Variants in UBE3C observed in about 807,000 individuals in gnomAD.
UBE3C encodes the protein ubiquitin protein ligase E3C, also known as ubiquitin-protein ligase E3C.
UBE3C carries 42 observed loss-of-function variants against 129.4 expected under a neutral mutation model. The observed-to-expected ratio is 0.32, with a 90% CI of 0.25 to 0.42. The LOEUF (loss-of-function observed/expected upper bound fraction) is 0.42. Ranked by LOEUF, UBE3C falls within the 10% of genes least tolerant of loss-of-function variation. The probability of loss-of-function intolerance (pLI) is 1.00; values close to 1 mark genes in which losing one functional copy is unlikely to be tolerated. For synonymous variants in UBE3C, 510 were observed against 492.4 expected (o/e 1.04, Z -0.47); for missense variants, 1,049 against 1,319.1 (o/e 0.80, Z 3.17).
At chr7:157,244,076 CA>C (rs1209011861) in intron 18 of UBE3C, among the ~76,000 whole-genome samples, 4 of 152,082 alleles carry the variant, frequency 2.6e-5, no homozygotes, top group African/African-American at 9.7e-5. Flanking sequence ...ACTAAAAATA[CA>C]AAAATTTGCT....
At chr7:157,211,828 G>T (rs1014539589) in intron 13 of UBE3C, among the ~76,000 whole-genome samples, 3 of 152,174 alleles carry the variant, frequency 2.0e-5, no homozygotes, top group Non-Finnish European at 4.4e-5. Context: ...CAGGGTGCCT[G>T]TTCCTGCAGT....
chr7:157,159,596 G>A (rs537170204), intron 1 of UBE3C, among the ~76,000 whole-genome samples: 4 of 152,310 alleles, frequency 2.6e-5, no homozygotes, highest in East Asian at 3.9e-4. Context: ...AGCTGGGTGC[G>A]ATGGCTCATG....
intron 1 of UBE3C, among the ~76,000 whole-genome samples, chr7:157,152,800 TG>T (rs1807794107): frequency 6.6e-6 from 1 of 152,210 alleles, no homozygotes; most frequent in Non-Finnish European, 1.5e-5. Context: ...TTCCTGTAAC[TG>T]CTTGGGAAGT....
intron 19 of UBE3C, among the ~76,000 whole-genome samples, chr7:157,249,620 G>A (rs946308802): frequency 6.6e-6 from 1 of 152,178 alleles, no homozygotes; most frequent in South Asian, 2.1e-4. Context: ...GCACGACAGA[G>A]CCTTTTACGT....
intron 10 of UBE3C, chr7:157,197,798 C>G (rs1289166630): frequency 1.2e-6 from 2 of 1,613,012 alleles, no homozygotes; most frequent in Admixed American, 1.7e-5. Flanking sequence ...TCAAACGACT[C>G]CCATCTGCTA....
intron 15 of UBE3C, chr7:157,222,903 CG>C: frequency 4.4e-6 from 1 of 229,386 alleles, no homozygotes; most frequent in South Asian, 6.6e-5. Context: ...CGAAGGTGGT[CG>C]GGGGTGGCCA....
At chr7:157,257,702 A>G (rs563156774) in intron 22 of UBE3C, among the ~76,000 whole-genome samples, 13 of 136,982 alleles carry the variant, frequency 9.5e-5, no homozygotes, top group Non-Finnish European at 2.0e-4. Context: ...GCGCCACTGC[A>G]CTGCACTCCA....
chr7:157,182,773 A>C (rs1334619504), intron 8 of UBE3C, among the ~76,000 whole-genome samples: 1 of 151,998 alleles, frequency 6.6e-6, no homozygotes, highest in East Asian at 1.9e-4. Flanking sequence ...GGGGGTATAT[A>C]GAGTCTCGCT....
chr7:157,214,297 C>T (rs1350064852), intron 13 of UBE3C, among the ~76,000 whole-genome samples: 1 of 152,106 alleles, frequency 6.6e-6, no homozygotes, highest in Non-Finnish European at 1.5e-5. Context: ...ACTTAATTGT[C>T]TCATATAATT....
chr7:157,206,259 T>A (rs1419458637), intron 11 of UBE3C, among the ~76,000 whole-genome samples: 1 of 152,176 alleles, frequency 6.6e-6, no homozygotes, highest in Non-Finnish European at 1.5e-5. Flanking sequence ...CGTAGCTCTT[T>A]TTTATTTATT....
At position 157,178,686 on chromosome 7, in the gene UBE3C, A is replaced by G; in HGVS notation, c.459-4A>G. On this transcript the variant is annotated splice_region_variant and splice_polypyrimidine_tract_variant and intron_variant, in intron 5 of 22. Coordinates refer to ENST00000348165, the MANE Select transcript of UBE3C (RefSeq NM_014671.3). ...GTGTGTGAATACTTTTTTCATTTTT[A>G]CAGGTTGCTGCAAAACTGTAATGAT... 2 of 1,609,562 alleles carry G rather than the reference A, an allele frequency of 1.2e-6. No individual in the cohort carries two copies. Among genetic ancestry groups the G allele is most frequent in the Non-Finnish European group, 1.7e-6 (2 of 1,177,704 alleles).
At chr7:157,175,725 A>T (rs1808498601) in intron 5 of UBE3C, among the ~76,000 whole-genome samples, 1 of 152,212 alleles carries the variant, frequency 6.6e-6, no homozygotes, top group South Asian at 2.1e-4. Context: ...GCTGGACCAA[A>T]GGTAGGAATA....
Position 157,181,596 on chromosome 7 carries a change from C to T in UBE3C, c.695C>T (p.Pro232Leu), listed in dbSNP as rs754122622. ...SIEYSDLSRV[P>L]IAKILLENVL... is the part of the protein sequence containing the mutation. ...GAATATTCTGATTTATCTCGAGTTCCTATAGCAAAAATTTTGCTAGAGAAT... is the reference window on the plus strand; with the variant it reads ...GAATATTCTGATTTATCTCGAGTTCTTATAGCAAAAATTTTGCTAGAGAAT... The change falls in exon 7 of 23, where the codon CCT becomes CTT. Residue 232 changes from proline to leucine, a missense_variant. This residue lies in a region of UBE3C where 489 missense variants were observed against 513.8 expected (regional missense o/e 0.95). Coordinates refer to ENST00000348165, the MANE Select transcript of UBE3C (RefSeq NM_014671.3). 2 of 1,613,456 alleles carry T rather than the reference C, an allele frequency of 1.2e-6. No individual in the cohort carries two copies. Among genetic ancestry groups the T allele is most frequent in the East Asian group, 4.5e-5 (2 of 44,842 alleles).
intron 17 of UBE3C, among the ~76,000 whole-genome samples, chr7:157,227,364 A>G (rs543537322): frequency 6.6e-6 from 1 of 152,208 alleles, no homozygotes; most frequent in South Asian, 2.1e-4. Flanking sequence ...GCCAGAGTAG[A>G]ATGCGTTTCT....
chr7:157,220,936 T>G, intron 15 of UBE3C, 160 bp downstream of exon 15: 1 of 775,302 alleles, frequency 1.3e-6, no homozygotes, highest in South Asian at 1.9e-5. Context: ...CAAAATTGCC[T>G]CTAGCTCCAT....
chr7:157,235,371 A>G (rs912132347), intron 18 of UBE3C, among the ~76,000 whole-genome samples: 4 of 152,232 alleles, frequency 2.6e-5, no homozygotes, highest in Non-Finnish European at 5.9e-5. Context: ...CACAGAAGAT[A>G]GAGCAATAAT....
chr7:157,246,992 G>A (rs1466209209), intron 18 of UBE3C, among the ~76,000 whole-genome samples: 1 of 152,220 alleles, frequency 6.6e-6, no homozygotes, highest in African/African-American at 2.4e-5. Flanking sequence ...CCGGGTTCAA[G>A]CGATTCTCCT....
rs1197657093 is a variant in UBE3C, at chr7:157,207,762, T to A, written c.1636T>A (p.Ser546Thr). The change falls in exon 13 of 23, where the codon TCT becomes ACT. Residue 546 changes from serine to threonine, a missense_variant. This residue lies in a region of UBE3C where 314 missense variants were observed against 416.9 expected (regional missense o/e 0.75). Transcript: ENST00000348165. ...PFTLEELIML[S>T]RCLRDACLGI... Reference sequence around the variant, plus strand: ...TACTTTAGAAGAGCTGATAATGTTGTCTCGATGCCTTCGAGATGCATGCCT... The same window carrying A: ...TACTTTAGAAGAGCTGATAATGTTGACTCGATGCCTTCGAGATGCATGCCT... 6.2e-7 allele frequency: 1 copy of A among 1,614,184 alleles called. No homozygotes were observed. The highest frequency in any genetic ancestry group is 8.5e-7 in the Non-Finnish European group (1 of 1,180,022).
chr7:157,242,857 C>A (rs759409127), intron 18 of UBE3C, among the ~76,000 whole-genome samples: 4 of 152,036 alleles, frequency 2.6e-5, no homozygotes, highest in African/African-American at 9.7e-5. Context: ...GAGTTCTAGA[C>A]CAGCCTGACC....
Sources: allele counts gnomAD v4.1 joint callset (sites outside exome capture counted in the v4.1 genomes callset), GRCh38; gene constraint gnomAD v4.1.1; regional missense constraint gnomAD v4.1.1; transcripts MANE v1.5; gene names NCBI Gene and HGNC (gene_info 2026-07-23, HGNC 2026-07-21).